ZFHX4: variants seen among roughly 807,000 people sequenced by gnomAD.
ZFHX4 encodes zinc finger homeobox 4, also known as zinc finger homeobox protein 4.
In ZFHX4, 56 loss-of-function variants were observed where a neutral mutation model predicts 267.6. That is an observed-to-expected ratio of 0.21 (90% CI 0.17 to 0.26). The LOEUF is 0.26. Among genes scored for constraint, ZFHX4 ranks in the 10% least tolerant of loss-of-function variants. The pLI is 1.00. For missense variants in ZFHX4, 4,332 were observed against 4,420.0 expected (o/e 0.98, Z 0.56); for synonymous variants, 1,778 against 1,665.6 (o/e 1.07, Z -1.64).
intron 3 of ZFHX4, among the ~76,000 whole-genome samples, chr8:76,744,152 C>T (rs1192266846): frequency 6.6e-6 from 1 of 151,960 alleles, no homozygotes; most frequent in African/African-American, 2.4e-5. Context: ...TCGAGACCAG[C>T]CTGACCAATA....
At chr8:76,744,074 A>G (rs59408351) in intron 3 of ZFHX4, among the ~76,000 whole-genome samples, 45,957 of 151,984 alleles carry the variant, frequency 0.3, 10,059 homozygotes, top group African/African-American at 0.61. Flanking sequence ...TGCTGGGCAC[A>G]GTGGCTCACG....
At chr8:76,738,738 TTC>T (rs964744570) in intron 3 of ZFHX4, among the ~76,000 whole-genome samples, 2 of 142,992 alleles carry the variant, frequency 1.4e-5, no homozygotes, top group African/African-American at 5.3e-5. Context: ...CTCTCTCTCC[TTC>T]TCTCTTTCTT....
At chr8:76,744,300 C>A (rs1809399029) in intron 3 of ZFHX4, among the ~76,000 whole-genome samples, 1 of 152,086 alleles carries the variant, frequency 6.6e-6, no homozygotes, top group South Asian at 2.1e-4. Flanking sequence ...GAGTCGAGAT[C>A]ATGCCACTGC....
rs1473227843 is a variant in ZFHX4 at position 76,849,803 on chromosome 8, T to C, written c.3846+91T>C. On this transcript the variant is annotated intron_variant, in intron 8 of 10. Coordinates refer to ENST00000651372, the MANE Select transcript of ZFHX4 (RefSeq NM_024721.5). ...GTAATTATTGGTTTATGGAAATGTA[T>C]TTCTTCAGAGCTAATTAAAGCTCTG... The C allele has an allele frequency of 5.3e-6, 7 of 1,325,842 alleles. No homozygotes were observed. In the Admixed American group the frequency reaches 1.2e-4, roughly 23 times the overall value. 82.1% of individuals were successfully genotyped at this position (1,325,842 alleles called of 1,614,324 possible).
At position 76,852,615 on chromosome 8, in the gene ZFHX4, C is replaced by T. The variant is rs1028163993; in HGVS notation, c.5694C>T (p.Pro1898=). The T allele has an allele frequency of 1.2e-6, 2 of 1,612,538 alleles. No homozygotes were observed. The highest frequency in any genetic ancestry group is 2.7e-5 in the African/African-American group (2 of 74,890). Reference sequence around the variant, plus strand: ...CCTTGGAACCATCCATCCCACCACCCCGAATAGCTTCAGGGGCCAGAGGAA... The same window carrying T: ...CCTTGGAACCATCCATCCCACCACCTCGAATAGCTTCAGGGGCCAGAGGAA... ...QKSLEPSIPP[P]RIASGARGNA... is the part of the protein sequence containing the mutation. Residue 1898 remains proline (P), a synonymous_variant, in exon 10 of 11, where the codon CCC becomes CCT. Coordinates refer to ENST00000651372, the MANE Select transcript of ZFHX4 (RefSeq NM_024721.5).
At chr8:76,764,062 T>C (rs41375548) in intron 3 of ZFHX4, among the ~76,000 whole-genome samples, 4,381 of 152,276 alleles carry the variant, frequency 0.029, 213 homozygotes, top group African/African-American at 0.095. Context: ...GCATTTAGAC[T>C]GCAACAGGGG....
intron 4 of ZFHX4, among the ~76,000 whole-genome samples, chr8:76,779,897 G>T (rs1027068842): frequency 5.3e-5 from 8 of 152,020 alleles, no homozygotes; most frequent in Admixed American, 3.9e-4. Flanking sequence ...TAGTCTAAGG[G>T]TGTTAGCATA....
At chr8:76,848,892 G>A in intron 6 of ZFHX4, 103 bp from the exon 7 acceptor site, 2 of 1,105,732 alleles carry the variant, frequency 1.8e-6, no homozygotes, top group Non-Finnish European at 2.4e-6. Context: ...GGTTCTTTTT[G>A]TGATTCAGTG....
intron 4 of ZFHX4, among the ~76,000 whole-genome samples, chr8:76,780,272 G>T (rs1163818342): frequency 6.6e-6 from 1 of 152,124 alleles, no homozygotes; most frequent in Admixed American, 6.6e-5. Context: ...AAATGAAGCT[G>T]TCTATCAAAG....
chr8:76,794,798 C>A (rs1810928714), intron 4 of ZFHX4, among the ~76,000 whole-genome samples: 1 of 151,844 alleles, frequency 6.6e-6, no homozygotes, highest in Non-Finnish European at 1.5e-5. Flanking sequence ...GATTATGTAA[C>A]TAGCAAAGTA....
chr8:76,687,927 T>C (rs1807732385), intron 1 of ZFHX4, among the ~76,000 whole-genome samples: 1 of 152,106 alleles, frequency 6.6e-6, no homozygotes, highest in African/African-American at 2.4e-5. Flanking sequence ...AAGATGAAAA[T>C]GCAGGCTTCT....
At chr8:76,760,253 T>A (rs991697327) in intron 3 of ZFHX4, among the ~76,000 whole-genome samples, 1 of 152,202 alleles carries the variant, frequency 6.6e-6, no homozygotes, top group African/African-American at 2.4e-5. Context: ...GAGGTCAGTA[T>A]CTTGGCATCC....
chr8:76,794,601 A>G (rs1421380224), intron 4 of ZFHX4, among the ~76,000 whole-genome samples: 7 of 152,164 alleles, frequency 4.6e-5, no homozygotes, highest in Admixed American at 4.6e-4. Context: ...GATAAAACCA[A>G]GCTGAAAATG....
Position 76,705,720 on chromosome 8 carries a change from C to A in ZFHX4, c.1632C>A (p.Ala544=). The A allele has an allele frequency of 6.2e-7, 1 of 1,614,004 alleles. No homozygotes were observed. Among genetic ancestry groups the A allele is most frequent in the Non-Finnish European group, 8.5e-7 (1 of 1,179,896 alleles). The change falls in exon 2 of 11, where the codon GCC becomes GCA. Residue 544 remains alanine (A), a synonymous_variant. Transcript: ENST00000651372. ...AAAAACAGACTGCTGCTGTTAGGGC[C>A]AGTGGCAGTGTTGCTAGTAACTATG... The part of the protein sequence containing the change: ...EKKKQTAAVR[A]SGSVASNYGI...
chr8:76,841,366 G>A (rs137985053), intron 5 of ZFHX4, among the ~76,000 whole-genome samples: 59 of 152,168 alleles, frequency 3.9e-4, no homozygotes, highest in African/African-American at 6.0e-4. Context: ...CTGTCAGAAC[G>A]TTATTAATAA....
chr8:76,865,902 A>T lies in ZFHX4; in HGVS notation c.*1337A>T, dbSNP rs749525302. On this transcript the variant is annotated 3_prime_UTR_variant, in exon 11 of 11. Coordinates refer to ENST00000651372, the MANE Select transcript of ZFHX4 (RefSeq NM_024721.5). ...TGTTTTGTTTTATCATATATGCATT[A>T]AAAGTATTATCTTTATCAACATTTG... 2 of 152,550 alleles carry T rather than the reference A, an allele frequency of 1.3e-5. No homozygotes were observed. Among genetic ancestry groups the T allele is most frequent in the Non-Finnish European group, 2.9e-5 (2 of 68,034 alleles). 9.4% of individuals were successfully genotyped at this position (152,550 alleles called of 1,614,324 possible). A position where few individuals can be genotyped will look rare whatever the true frequency, so the allele number is the denominator to read the frequency against.
intron 3 of ZFHX4, among the ~76,000 whole-genome samples, chr8:76,734,033 G>T (rs1809092514): frequency 6.6e-6 from 1 of 152,026 alleles, no homozygotes; most frequent in African/African-American, 2.4e-5. Flanking sequence ...TGTTTTTATT[G>T]GTATTGCTCT....
chr8:76,761,032 A>G (rs1177834352), intron 3 of ZFHX4, among the ~76,000 whole-genome samples: 1 of 152,024 alleles, frequency 6.6e-6, no homozygotes, highest in Admixed American at 6.6e-5. Context: ...CACGTCCACC[A>G]GACAGCTATA....
intron 3 of ZFHX4, among the ~76,000 whole-genome samples, chr8:76,742,300 T>C (rs1161325018): frequency 6.6e-6 from 1 of 152,166 alleles, no homozygotes; most frequent in Non-Finnish European, 1.5e-5. Context: ...TATTTTTTCT[T>C]TCTTTGACTA....
Sources: allele counts gnomAD v4.1 joint callset (sites outside exome capture counted in the v4.1 genomes callset), GRCh38; gene constraint gnomAD v4.1.1; transcripts MANE v1.5; gene names NCBI Gene and HGNC (gene_info 2026-07-23, HGNC 2026-07-21).